Variants in MYO1H observed in about 807,000 individuals in gnomAD.
The protein encoded by MYO1H is unconventional myosin-Ih.
A neutral mutation model predicts 149.3 loss-of-function variants in MYO1H; 118 were observed. That is an observed-to-expected ratio of 0.79 (90% CI 0.68 to 0.92). MYO1H has a LOEUF of 0.92. Ranked by LOEUF, MYO1H falls within the 40% of genes least tolerant of loss-of-function variation. The pLI is 0.00. For synonymous variants in MYO1H, 447 were observed against 465.2 expected, an observed-to-expected ratio of 0.96 and a Z score of 0.50; for missense variants, 1,212 against 1,280.7, an observed-to-expected ratio of 0.95 and a Z score of 0.82.
chr12:109,388,822 G>A lies in MYO1H; in HGVS notation c.152G>A (p.Arg51His), dbSNP rs1227759066. The A allele has an allele frequency of 2.5e-6, 4 of 1,612,108 alleles. No homozygotes were observed. Among genetic ancestry groups the A allele is most frequent in the Admixed American group, 1.7e-5 (1 of 59,742 alleles). The change falls in exon 2 of 32, where the codon CGT becomes CAT. Residue 51 changes from arginine (R) to histidine (H), a missense_variant. Transcript: ENST00000310903. ...GCCTTTGTCGACAACCTCCGCAAGC[G>A]TTTCAGCGAGAACCTCATATACGTA...
intron 19 of MYO1H, among the ~76,000 whole-genome samples, chr12:109,429,689 G>C (rs189911563): frequency 6.6e-6 from 1 of 152,166 alleles, no homozygotes; most frequent in African/African-American, 2.4e-5. Context: ...GCCAGGCAGG[G>C]ATATGTTATT....
chr12:109,434,931 T>A, intron 20 of MYO1H, 106 bp from the exon 21 acceptor site: 1 of 643,060 alleles, frequency 1.6e-6, no homozygotes. Flanking sequence ...AATAAGATGG[T>A]ATTCTGAGGT....
chr12:109,401,895 A>G (rs902385096), intron 6 of MYO1H, among the ~76,000 whole-genome samples: 1 of 151,988 alleles, frequency 6.6e-6, no homozygotes, highest in Non-Finnish European at 1.5e-5. Context: ...GCGAGGTACC[A>G]TGCCTCGCTA....
chr12:109,440,670 G>C, intron 24 of MYO1H, 74 bp from the exon 25 acceptor site: 1 of 1,084,982 alleles, frequency 9.2e-7, no homozygotes, highest in Non-Finnish European at 1.4e-6. Flanking sequence ...TTTTTTTAAA[G>C]CTTCATTTTG....
exon 32 of MYO1H, chr12:109,447,696 T>A (rs1872543615): frequency 5.7e-6 from 1 of 175,260 alleles, no homozygotes; most frequent in African/African-American, 2.3e-5. Context: ...AAGGTGTGTG[T>A]GTCAGGTGCA....
At chr12:109,370,391 T>A (rs2338098) in intron 1 of MYO1H, among the ~76,000 whole-genome samples, 9,084 of 152,230 alleles carry the variant, frequency 0.06, 887 homozygotes, top group African/African-American at 0.21. Flanking sequence ...GTGACATTGG[T>A]CAAAGTCACA....
chr12:109,354,630 A>AAAAAAAG (rs796354256), intron 1 of MYO1H, among the ~76,000 whole-genome samples: 37 of 134,042 alleles, frequency 2.8e-4, no homozygotes, highest in African/African-American at 7.9e-4. Flanking sequence ...AAAAAAAAAA[A>AAAAAAAG]AAAAGAAAAG....
Position 109,440,835 on chromosome 12 carries a change from CATG to C in MYO1H, c.2538+12_2538+14del, listed in dbSNP as rs1263553616. 1.2e-5 allele frequency: 16 copies of C among 1,367,350 alleles called. No individual in the cohort carries two copies. Among genetic ancestry groups the C allele is most frequent in the South Asian group, 5.0e-5 (4 of 80,450 alleles). 84.7% of individuals were successfully genotyped at this position (1,367,350 alleles called of 1,614,324 possible). A position where few individuals can be genotyped will look rare whatever the true frequency, so the allele number is the denominator to read the frequency against. On this transcript the variant is annotated intron_variant, in intron 25 of 31. Coordinates refer to ENST00000310903, the Ensembl canonical transcript of MYO1H. Reference sequence around the variant, plus strand: ...GCTGAGCGGAAAGCAATGGTAGGGACATGATGTCTGCGGTGGCCGGTGGTGGGG... The same window carrying C: ...GCTGAGCGGAAAGCAATGGTAGGGACATGTCTGCGGTGGCCGGTGGTGGGG...
At chr12:109,424,979 C>T (rs1312392132) in intron 17 of MYO1H, among the ~76,000 whole-genome samples, 151 bp downstream of exon 17, 2 of 152,050 alleles carry the variant, frequency 1.3e-5, no homozygotes, top group Non-Finnish European at 2.9e-5. Context: ...AATCTCACAC[C>T]TGTAATCCCA....
chr12:109,397,706 C>T (rs534153947), intron 4 of MYO1H, 26 bp from the exon 5 acceptor site: 2 of 1,586,766 alleles, frequency 1.3e-6, no homozygotes, highest in Non-Finnish European at 1.7e-6. Context: ...GCTTAAATGA[C>T]AGTGAATGAC....
intron 1 of MYO1H, among the ~76,000 whole-genome samples, chr12:109,373,156 T>C (rs556542589): frequency 3.3e-5 from 5 of 152,140 alleles, no homozygotes; most frequent in Non-Finnish European, 7.4e-5. Context: ...TCCTTGGAAA[T>C]AGTAATCAGC....
chr12:109,442,340 TCTCC>T, intron 27 of MYO1H, 68 bp downstream of exon 27: 2 of 1,440,906 alleles, frequency 1.4e-6, no homozygotes, highest in Non-Finnish European at 2.0e-6. Flanking sequence ...GGGTCCCCTT[TCTCC>T]ATAAAGGGCG....
intron 1 of MYO1H, among the ~76,000 whole-genome samples, chr12:109,363,694 A>G (rs1202622225): frequency 6.6e-6 from 1 of 151,974 alleles, no homozygotes; most frequent in Non-Finnish European, 1.5e-5. Flanking sequence ...TCTGGGCAAC[A>G]AGAGAGAAAC....
At chr12:109,412,044 T>C (rs1161160699) in intron 14 of MYO1H, 59 bp downstream of exon 14, 1 of 1,211,474 alleles carries the variant, frequency 8.3e-7, no homozygotes, top group Non-Finnish European at 1.2e-6. Context: ...CTCCATTTTC[T>C]TTAGTATTTG....
chr12:109,438,684 A>G, intron 23 of MYO1H, 64 bp downstream of exon 23: 1 of 1,164,320 alleles, frequency 8.6e-7, no homozygotes, highest in South Asian at 1.4e-5. Context: ...AGGGATGGTC[A>G]TGGAGGTAGA....
chr12:109,327,134 C>CTTTTTTTTTTTT, the MYO1H span, among the ~76,000 whole-genome samples: 37 of 94,700 alleles, frequency 3.9e-4, no homozygotes, highest in Admixed American at 5.4e-4. Flanking sequence ...TTTTCTTTTT[C>CTTTTTTTTTTTT]TTTTTTTTTT....
intron 7 of MYO1H, among the ~76,000 whole-genome samples, chr12:109,405,222 AAGAT>A (rs1373633634): frequency 2.6e-5 from 4 of 152,140 alleles, no homozygotes; most frequent in African/African-American, 4.8e-5. Context: ...CTTAAAAAAA[AAGAT>A]AGATGGATGG....
At chr12:109,431,960 GC>G (rs564066014) in intron 19 of MYO1H, among the ~76,000 whole-genome samples, 53 of 145,704 alleles carry the variant, frequency 3.6e-4, no homozygotes, top group African/African-American at 1.3e-3. Context: ...TGGGACTACA[GC>G]CGCACACTGC....
chr12:109,369,542 A>G (rs1044351725), intron 1 of MYO1H, among the ~76,000 whole-genome samples: 4 of 151,734 alleles, frequency 2.6e-5, no homozygotes, highest in Non-Finnish European at 5.9e-5. Flanking sequence ...ATTAATGATA[A>G]TATTTAAAAA....
Sources: gnomAD v4.1 joint callset for allele counts (sites outside exome capture counted in the v4.1 genomes callset) on GRCh38, gnomAD v4.1.1 for gene constraint, MANE v1.5 for transcripts, NCBI Gene and HGNC (gene_info 2026-07-23, HGNC 2026-07-21) for gene names.